Variants in ARHGEF12 observed in about 807,000 individuals in gnomAD.
The protein encoded by ARHGEF12 is Rho guanine nucleotide exchange factor 12.
A neutral mutation model predicts 211.2 loss-of-function variants in ARHGEF12; 66 were observed. The observed-to-expected ratio is 0.31, with a 90% CI of 0.26 to 0.38. ARHGEF12 has a LOEUF of 0.38. Ranked by LOEUF, ARHGEF12 falls within the 10% of genes least tolerant of loss-of-function variation. The pLI is 1.00. For missense variants in ARHGEF12, 1,429 were observed against 1,869.5 expected (o/e 0.76, Z 4.34); for synonymous variants, 592 against 638.4 (o/e 0.93, Z 1.09).
chr11:120,404,310 A>G (rs551540222), intron 1 of ARHGEF12, among the ~76,000 whole-genome samples: 7 of 152,350 alleles, frequency 4.6e-5, no homozygotes, highest in African/African-American at 1.7e-4. Context: ...GAGAGAACTA[A>G]TGAAATAGCC....
rs545490756 is a variant in ARHGEF12 at position 120,486,617 on chromosome 11, A to G, written c.*1540A>G. The G allele has an allele frequency of 4.4e-6, 1 of 225,460 alleles. No individual in the cohort carries two copies. The highest frequency in any genetic ancestry group is 8.8e-6 in the Non-Finnish European group (1 of 113,252). The allele number at this position is 225,460 out of a possible 1,614,324, so 14.0% of individuals were successfully genotyped here. ...TGAAGTCTGTAAATTCTGTTAATAA[A>G]CAAGGAGTTCATCCGTTGCTCACAT... is the stretch of plus-strand genomic sequence containing the variant. On this transcript the variant is annotated 3_prime_UTR_variant, in exon 41 of 41. Transcript: ENST00000397843.
intron 21 of ARHGEF12, 24 bp downstream of exon 21, chr11:120,449,238 C>A (rs1353682273): frequency 1.3e-6 from 2 of 1,574,030 alleles, no homozygotes; most frequent in Admixed American, 1.7e-5. Context: ...TGAAGTGCTG[C>A]ATTTTCAGTA....
chr11:120,436,099 A>G (rs1369225273), intron 11 of ARHGEF12, among the ~76,000 whole-genome samples: 2 of 152,000 alleles, frequency 1.3e-5, no homozygotes, highest in African/African-American at 2.4e-5. Flanking sequence ...GACAAGTGGG[A>G]AGGGTATATG....
chr11:120,476,641 T>C lies in ARHGEF12; in HGVS notation c.3278-20T>C, dbSNP rs199696600. 23 of 1,602,030 alleles carry C rather than the reference T, an allele frequency of 1.4e-5. No homozygotes were observed. The African/African-American group carries it at 3.1e-4, about 21-fold the overall frequency. ...TCCCCAGGTCATAGTATTAGAGTAATCTTGTATTGTTTTTTCCAGATAACA... is the reference window on the plus strand; with the variant it reads ...TCCCCAGGTCATAGTATTAGAGTAACCTTGTATTGTTTTTTCCAGATAACA... On this transcript the variant is annotated intron_variant, in intron 33 of 40. Transcript: ENST00000397843.
chr11:120,360,376 T>C (rs570854284), intron 1 of ARHGEF12, among the ~76,000 whole-genome samples: 33 of 152,300 alleles, frequency 2.2e-4, no homozygotes, highest in African/African-American at 7.9e-4. Flanking sequence ...CATTTTTCTT[T>C]AATATTACTC....
chr11:120,338,913 G>T (rs1285133406), intron 1 of ARHGEF12, among the ~76,000 whole-genome samples: 2 of 151,702 alleles, frequency 1.3e-5, no homozygotes, highest in African/African-American at 4.8e-5. Flanking sequence ...CTTGGAAATA[G>T]AATCTTGGAA....
chr11:120,441,857 G>A, intron 14 of ARHGEF12, 40 bp downstream of exon 14: 1 of 1,558,644 alleles, frequency 6.4e-7, no homozygotes, highest in Non-Finnish European at 8.8e-7. Context: ...GAGTTCTTCT[G>A]TTGATTCATG....
chr11:120,393,478 GGAA>G (rs1312142535), intron 1 of ARHGEF12, among the ~76,000 whole-genome samples: 2 of 152,124 alleles, frequency 1.3e-5, no homozygotes, highest in Admixed American at 6.5e-5. Context: ...GTAAAAGGAT[GGAA>G]GAAGATGTGC....
rs546863867 is a variant in ARHGEF12 at position 120,437,399 on chromosome 11, T to G, written c.999+17T>G. The G allele has an allele frequency of 2.9e-5, 47 of 1,599,060 alleles. No homozygotes were observed. Among genetic ancestry groups the G allele is most frequent in the Admixed American group, 1.0e-4 (6 of 59,332 alleles). ...CAGGACACTGTGAGTATGAAATCCA[T>G]GCAATGATAGTGCTGTCTTTGGCTT... On this transcript the variant is annotated intron_variant, in intron 12 of 40. Coordinates refer to ENST00000397843, the MANE Select transcript of ARHGEF12 (RefSeq NM_015313.3).
At chr11:120,423,185 G>A (rs1320632749) in intron 6 of ARHGEF12, among the ~76,000 whole-genome samples, 1 of 151,996 alleles carries the variant, frequency 6.6e-6, no homozygotes, top group African/African-American at 2.4e-5. Context: ...CAAAGAAGAA[G>A]AAATTAAAAT....
At chr11:120,407,924 G>A (rs1944761047) in intron 3 of ARHGEF12, 101 bp downstream of exon 3, 3 of 955,810 alleles carry the variant, frequency 3.1e-6, no homozygotes, top group Non-Finnish European at 1.6e-6. Flanking sequence ...TGTTTGATCT[G>A]TTTTAGGACT....
Position 120,480,123 on chromosome 11 carries a change from A to C in ARHGEF12, c.3930A>C (p.Glu1310Asp). 1 of 1,614,240 alleles carries C rather than the reference A, an allele frequency of 6.2e-7. No individual in the cohort carries two copies. Among genetic ancestry groups the C allele is most frequent in the East Asian group, 2.2e-5 (1 of 44,884 alleles). The change falls in exon 38 of 41, where the codon GAA becomes GAC. Residue 1310 changes from glutamate to aspartate, a missense_variant. By Grantham distance (45) the Glu-to-Asp change is conservative (BLOSUM62 2). Transcript: ENST00000397843. ...ATATTAAGGCCTATCATTCTGGTGA[A>C]GGACATATGCCCTTTAGAACTGGAA... ...SENIKAYHSG[E>D]GHMPFRTGTG...
Position 120,485,142 on chromosome 11 carries a change from T to A in ARHGEF12, c.*65T>A, listed in dbSNP as rs1237723774. 1 of 1,597,080 alleles carries A rather than the reference T, an allele frequency of 6.3e-7. No individual in the cohort carries two copies. Among genetic ancestry groups the A allele is most frequent in the Non-Finnish European group, 8.6e-7 (1 of 1,165,824 alleles). On this transcript the variant is annotated 3_prime_UTR_variant, in exon 41 of 41. Transcript: ENST00000397843. ...GGAGTATCGGCCGTGTCTCACCACA[T>A]CCTGGCTCCAGTGTGGATGCAGAGA...
At chr11:120,467,406 G>A in intron 29 of ARHGEF12, 98 bp downstream of exon 29, 1 of 567,922 alleles carries the variant, frequency 1.8e-6, no homozygotes, top group Non-Finnish European at 3.0e-6. Context: ...AATGGAGTTG[G>A]ATTTCCAAAT....
chr11:120,480,346 C>T lies in ARHGEF12; in HGVS notation c.4153C>T (p.Arg1385Cys), dbSNP rs750431916. Residue 1385 changes from arginine to cysteine, a missense_variant, in exon 38 of 41, where the codon CGT (arginine) becomes TGT (cysteine). Transcript: ENST00000397843. Reference protein sequence around the residue: ...DDSGEHFFDAREAHSDENPSE... With the variant: ...DDSGEHFFDACEAHSDENPSE... ...CAGTGGAGAGCACTTTTTTGATGCC[C>T]GTGAAGCACATAGTGATGAGAATCC... is the stretch of plus-strand genomic sequence containing the variant. 160 of 1,613,912 alleles carry T rather than the reference C, an allele frequency of 9.9e-5. No individual in the cohort carries two copies. The highest frequency in any genetic ancestry group is 2.2e-4 in the Admixed American group (13 of 59,998).
At chr11:120,460,398 G>T (rs1946492483) in intron 26 of ARHGEF12, among the ~76,000 whole-genome samples, 1 of 152,296 alleles carries the variant, frequency 6.6e-6, no homozygotes, top group South Asian at 2.1e-4. Flanking sequence ...TATAGATGGA[G>T]TCTTGAGGTT....
chr11:120,451,747 C>G (rs1285053103), intron 22 of ARHGEF12, 23 bp downstream of exon 22: 11 of 1,593,730 alleles, frequency 6.9e-6, no homozygotes, highest in Non-Finnish European at 9.4e-6. Context: ...TGTAGTTCAG[C>G]TTAACTAAGC....
chr11:120,351,076 G>A (rs1415829123), intron 1 of ARHGEF12, among the ~76,000 whole-genome samples: 1 of 152,028 alleles, frequency 6.6e-6, no homozygotes, highest in Non-Finnish European at 1.5e-5. Flanking sequence ...TTGGCCGGGT[G>A]CGGTGACTCA....
At chr11:120,460,099 T>C (rs1452194134) in intron 26 of ARHGEF12, among the ~76,000 whole-genome samples, 6 of 152,248 alleles carry the variant, frequency 3.9e-5, no homozygotes, top group Non-Finnish European at 7.3e-5. Context: ...GTTGAAGTCA[T>C]CTTGGACTTT....
Sources: gnomAD v4.1 joint callset for allele counts (sites outside exome capture counted in the v4.1 genomes callset) on GRCh38, gnomAD v4.1.1 for gene constraint, MANE v1.5 for transcripts, NCBI Gene and HGNC (gene_info 2026-07-23, HGNC 2026-07-21) for gene names.